THRB: variants seen among roughly 807,000 people sequenced by gnomAD.
The protein encoded by THRB is nuclear receptor subfamily 1 group A member 2.
THRB carries 12 observed loss-of-function variants against 47.8 expected under a neutral mutation model. The ratio of observed to expected loss-of-function variants is 0.25; its 90% CI spans 0.16 to 0.41. THRB has a LOEUF of 0.41. THRB is among the 10% of genes least tolerant of loss of function. The probability of loss-of-function intolerance (pLI) is 1.00; values close to 1 mark genes in which losing one functional copy is unlikely to be tolerated. For synonymous variants in THRB, 218 were observed against 212.2 expected, an observed-to-expected ratio of 1.03 and a Z score of -0.24; for missense variants, 348 against 589.2, an observed-to-expected ratio of 0.59 and a Z score of 4.24.
intron 1 of THRB, among the ~76,000 whole-genome samples, chr3:24,345,458 G>A (rs2062953205): frequency 6.6e-6 from 1 of 152,022 alleles, no homozygotes; most frequent in African/African-American, 2.4e-5. Flanking sequence ...AATTAGAACT[G>A]AAACAACATA....
intron 1 of THRB, among the ~76,000 whole-genome samples, chr3:24,426,026 C>T (rs933743144): frequency 2.0e-5 from 3 of 151,792 alleles, no homozygotes; most frequent in Non-Finnish European, 4.4e-5. Context: ...CTTTCTTTAC[C>T]TGTATAATGA....
At chr3:24,466,475 G>A (rs988618311) in intron 1 of THRB, among the ~76,000 whole-genome samples, 18 of 152,078 alleles carry the variant, frequency 1.2e-4, no homozygotes, top group South Asian at 2.1e-4. Context: ...GTAGGGTTCC[G>A]GAAACCCAGT....
intron 2 of THRB, among the ~76,000 whole-genome samples, chr3:24,331,038 T>C (rs1468691262): frequency 6.6e-6 from 1 of 152,166 alleles, no homozygotes; most frequent in Non-Finnish European, 1.5e-5. Context: ...AAAAGAGCTA[T>C]GATCTTTTTT....
intron 3 of THRB, among the ~76,000 whole-genome samples, chr3:24,261,834 G>C (rs2052073914): frequency 6.6e-6 from 1 of 152,178 alleles, no homozygotes; most frequent in Non-Finnish European, 1.5e-5. Flanking sequence ...TCCAGGATGA[G>C]ACACTTTGCT....
intron 3 of THRB, among the ~76,000 whole-genome samples, chr3:24,238,300 G>GGGGTATGT (rs2049120193): frequency 8.0e-6 from 1 of 125,772 alleles, no homozygotes; most frequent in Non-Finnish European, 1.8e-5. Flanking sequence ...GGGTGTGTGG[G>GGGGTATGT]GTGTGTGTGT....
At chr3:24,240,546 T>C (rs1335394057) in intron 3 of THRB, among the ~76,000 whole-genome samples, 1 of 152,176 alleles carries the variant, frequency 6.6e-6, no homozygotes, top group African/African-American at 2.4e-5. Context: ...GCACAAGATG[T>C]TCACCATGTT....
chr3:24,246,665 C>T (rs1395935280), intron 3 of THRB, among the ~76,000 whole-genome samples: 1 of 152,134 alleles, frequency 6.6e-6, no homozygotes, highest in Non-Finnish European at 1.5e-5. Context: ...CTAACGCTTT[C>T]CCAGTGAGAG....
At chr3:24,393,545 A>G (rs557434392) in intron 1 of THRB, among the ~76,000 whole-genome samples, 4 of 152,110 alleles carry the variant, frequency 2.6e-5, no homozygotes, top group Non-Finnish European at 5.9e-5. Flanking sequence ...AATACATTCC[A>G]TTGCTTAACC....
At chr3:24,460,650 A>G (rs928148356) in intron 1 of THRB, among the ~76,000 whole-genome samples, 2 of 152,210 alleles carry the variant, frequency 1.3e-5, no homozygotes, top group Non-Finnish European at 2.9e-5. Flanking sequence ...CTCCAGAGTT[A>G]TGCTGTAGTT....
chr3:24,386,879 GGA>G lies in THRB; in HGVS notation c.-260-49510_-260-49509del, dbSNP rs564992912. 1.2e-4 allele frequency among the ~76,000 whole-genome samples: 19 copies of G among 152,200 alleles called. 1 individual carries two copies. The South Asian group carries it at 3.9e-3, about 32-fold the overall frequency. ...AACAGCCTCTATATTGCAGGGTTGT[GGA>G]GAGAACTAAATGAGTTAAAGCACAG... On this transcript the variant is annotated intron_variant, in intron 1 of 10. Transcript: ENST00000646209.
chr3:24,286,457 G>C (rs1342701419), intron 3 of THRB, among the ~76,000 whole-genome samples: 2 of 152,190 alleles, frequency 1.3e-5, no homozygotes, highest in African/African-American at 2.4e-5. Context: ...CATTGGCTAA[G>C]AGGCAAGAGA....
intron 1 of THRB, among the ~76,000 whole-genome samples, chr3:24,435,998 C>T (rs1167677280): frequency 2.0e-5 from 3 of 151,970 alleles, no homozygotes; most frequent in Non-Finnish European, 1.5e-5. Context: ...TCAGAGCAGT[C>T]GTGGGAGAAA....
intron 3 of THRB, among the ~76,000 whole-genome samples, chr3:24,266,426 T>C (rs1255581663): frequency 6.6e-6 from 1 of 152,134 alleles, no homozygotes; most frequent in African/African-American, 2.4e-5. Flanking sequence ...ATGATGACTT[T>C]AGACTTGGGA....
intron 2 of THRB, among the ~76,000 whole-genome samples, chr3:24,314,014 T>G (rs921927878): frequency 2.6e-5 from 4 of 152,250 alleles, no homozygotes; most frequent in Non-Finnish European, 5.9e-5. Context: ...GTTCTTCTTT[T>G]CGATTCATGA....
intron 3 of THRB, among the ~76,000 whole-genome samples, chr3:24,246,240 G>T (rs772057811): frequency 6.6e-6 from 1 of 152,124 alleles, no homozygotes; most frequent in Non-Finnish European, 1.5e-5. Flanking sequence ...TGAGTATTGG[G>T]TACCAGAGAC....
At chr3:24,221,131 G>A (rs2047117916) in intron 4 of THRB, among the ~76,000 whole-genome samples, 1 of 152,226 alleles carries the variant, frequency 6.6e-6, no homozygotes, top group Non-Finnish European at 1.5e-5. Context: ...AAGCAAAGAT[G>A]GATAAAACAA....
At chr3:24,356,102 A>G (rs1280052351) in intron 1 of THRB, among the ~76,000 whole-genome samples, 1 of 152,162 alleles carries the variant, frequency 6.6e-6, no homozygotes, top group East Asian at 1.9e-4. Flanking sequence ...CAGCATAGAC[A>G]TTCCCATTCC....
At position 24,140,977 on chromosome 3, in the gene THRB, T is replaced by C. The variant is rs532678986; in HGVS notation, c.738+2524A>G. On this transcript the variant is annotated intron_variant, in intron 8 of 10. Transcript: ENST00000646209. ...GATTGGCTGACAGAAATGAAGTTCA[T>C]TGTAGAGACAGACAGGACAGTGGAA... 3.3e-5 allele frequency among the ~76,000 whole-genome samples: 5 copies of C among 152,338 alleles called. No individual in the cohort carries two copies. In the South Asian group the frequency reaches 6.2e-4, roughly 19 times the overall value.
chr3:24,174,625 CT>C (rs1178550595), intron 5 of THRB, among the ~76,000 whole-genome samples: 1 of 152,224 alleles, frequency 6.6e-6, no homozygotes, highest in Non-Finnish European at 1.5e-5. Flanking sequence ...CTCCTGACTA[CT>C]TTCTACTCTT....
Sources: allele counts gnomAD v4.1 joint callset (sites outside exome capture counted in the v4.1 genomes callset), GRCh38; gene constraint gnomAD v4.1.1; transcripts MANE v1.5; gene names NCBI Gene and HGNC (gene_info 2026-07-23, HGNC 2026-07-21).